Variants in INPP5D observed in about 807,000 individuals in gnomAD.
The protein encoded by INPP5D is inositol polyphosphate-5-phosphatase D.
In INPP5D, 33 loss-of-function variants were observed where a neutral mutation model predicts 122.9. The observed-to-expected ratio is 0.27, with a 90% CI of 0.20 to 0.36. The LOEUF (loss-of-function observed/expected upper bound fraction) is 0.36. INPP5D is among the 10% of genes least tolerant of loss of function. INPP5D has a pLI of 1.00. For missense variants in INPP5D, 1,053 were observed against 1,412.7 expected (o/e 0.75, Z 4.08); for synonymous variants, 584 against 576.2 (o/e 1.01, Z -0.19).
intron 1 of INPP5D, among the ~76,000 whole-genome samples, chr2:233,075,587 G>A (rs1273154688): frequency 6.6e-6 from 1 of 151,686 alleles, no homozygotes; most frequent in Non-Finnish European, 1.5e-5. Context: ...TATGTTGTGT[G>A]TGCACATGTA....
At position 233,182,474 on chromosome 2, in the gene INPP5D, C is replaced by A; in HGVS notation, c.2136C>A (p.Val712=). ...SPVFATFEAG[V]TSQFVSKNGP... is the part of the protein sequence containing the mutation. ...TCTTTGCCACATTTGAGGCAGGAGT[C>A]ACTTCCCAGTTTGTCTCCAAGAACG... The change falls in exon 19 of 27, where the codon GTC becomes GTA. Residue 712 remains valine, a synonymous_variant. Transcript: ENST00000445964. 1.2e-6 allele frequency: 2 copies of A among 1,613,594 alleles called. No homozygotes were observed. The highest frequency in any genetic ancestry group is 4.5e-5 in the East Asian group (2 of 44,870).
intron 6 of INPP5D, 167 bp from the exon 7 acceptor site, chr2:233,145,995 A>G (rs1431796951): frequency 1.4e-6 from 1 of 701,762 alleles, no homozygotes; most frequent in Non-Finnish European, 2.6e-6. Flanking sequence ...TTCTGAGAAG[A>G]TTGTAGAGAT....
At chr2:233,086,587 A>C (rs1691857256) in intron 2 of INPP5D, among the ~76,000 whole-genome samples, 1 of 152,256 alleles carries the variant, frequency 6.6e-6, no homozygotes, top group Admixed American at 6.5e-5. Flanking sequence ...AGGCCAACAC[A>C]CGGAAAGGAG....
intron 4 of INPP5D, among the ~76,000 whole-genome samples, chr2:233,127,077 C>A (rs994945097): frequency 2.6e-5 from 4 of 152,166 alleles, no homozygotes; most frequent in African/African-American, 9.7e-5. Context: ...GCTCGTACAC[C>A]TCCCGCCAAC....
intron 10 of INPP5D, among the ~76,000 whole-genome samples, chr2:233,159,301 G>C (rs1233673622): frequency 6.6e-6 from 1 of 152,148 alleles, no homozygotes; most frequent in Admixed American, 6.5e-5. Flanking sequence ...ACCTATCATC[G>C]TGAACCTCAT....
intron 1 of INPP5D, among the ~76,000 whole-genome samples, chr2:233,077,599 C>T (rs1290500719): frequency 3.0e-5 from 4 of 131,266 alleles, no homozygotes; most frequent in South Asian, 2.6e-4. Flanking sequence ...GCAGAGTTTG[C>T]GGTGAGCCAA....
chr2:233,079,632 A>C (rs1001316416), intron 2 of INPP5D, among the ~76,000 whole-genome samples: 2 of 152,152 alleles, frequency 1.3e-5, no homozygotes, highest in Non-Finnish European at 2.9e-5. Flanking sequence ...TTTGTGGTCC[A>C]TAGGTGTGAA....
chr2:233,156,557 A>G (rs1479434203), intron 9 of INPP5D, among the ~76,000 whole-genome samples: 1 of 152,060 alleles, frequency 6.6e-6, no homozygotes, highest in Non-Finnish European at 1.5e-5. Flanking sequence ...AGCCTCCCAA[A>G]GTGCTAGGAT....
At chr2:233,137,608 A>C (rs372504024) in intron 5 of INPP5D, among the ~76,000 whole-genome samples, 6 of 151,008 alleles carry the variant, frequency 4.0e-5, no homozygotes, top group Admixed American at 6.6e-5. Flanking sequence ...GGTGCCCACC[A>C]CTATGCCCGG....
At chr2:233,113,588 C>T (rs1208785522) in intron 2 of INPP5D, among the ~76,000 whole-genome samples, 15 of 152,122 alleles carry the variant, frequency 9.9e-5, no homozygotes. Context: ...CCAAATCTGT[C>T]CCCCAGCCCC....
chr2:233,061,322 C>A (rs2106373235), intron 1 of INPP5D, among the ~76,000 whole-genome samples: 1 of 150,930 alleles, frequency 6.6e-6, no homozygotes, highest in South Asian at 2.1e-4. Context: ...AATGGAGGAA[C>A]CAGCCACTTG....
At chr2:233,186,271 C>G (rs1043120636) in intron 21 of INPP5D, among the ~76,000 whole-genome samples, 1 of 152,148 alleles carries the variant, frequency 6.6e-6, no homozygotes, top group Admixed American at 6.5e-5. Flanking sequence ...GCTGCAGTAA[C>G]ACACCTAGGA....
At chr2:233,134,156 G>GA (rs1299089481) in intron 5 of INPP5D, 2 of 393,232 alleles carry the variant, frequency 5.1e-6, no homozygotes, top group East Asian at 7.5e-5. Context: ...AGTCAAGGAG[G>GA]AGGAGGAAGG....
intron 13 of INPP5D, among the ~76,000 whole-genome samples, chr2:233,165,263 G>T (rs141353433): frequency 6.6e-6 from 1 of 152,310 alleles, no homozygotes; most frequent in African/African-American, 2.4e-5. Flanking sequence ...GTCTATATGT[G>T]TGTGAATCTA....
chr2:233,099,459 C>T lies in INPP5D; in HGVS notation c.198+20061C>T, dbSNP rs1291142191. Among the ~76,000 whole-genome samples the T allele has an allele frequency of 5.3e-5, 8 of 152,228 alleles. 1 individual carries two copies. The East Asian group carries it at 1.5e-3, about 29-fold the overall frequency. On this transcript the variant is annotated intron_variant, in intron 2 of 26. Coordinates refer to ENST00000445964, the MANE Select transcript of INPP5D (RefSeq NM_001017915.3). ...TGAATGAAAGGAGGAACCAACAGCA[C>T]AGACGCCTATGTCTGGACTGACACT...
At chr2:233,132,885 ATT>A (rs35276718) in intron 5 of INPP5D, among the ~76,000 whole-genome samples, 312 of 117,958 alleles carry the variant, frequency 2.6e-3, no homozygotes, top group African/African-American at 6.3e-3. Context: ...ATGAACAAGA[ATT>A]TTTTTTTTTT....
intron 1 of INPP5D, among the ~76,000 whole-genome samples, chr2:233,077,142 A>G: frequency 6.6e-6 from 1 of 152,236 alleles, no homozygotes; most frequent in East Asian, 1.9e-4. Flanking sequence ...GGTGAAAAAA[A>G]CAAATTTCAG....
chr2:233,138,333 A>T (rs1020314875), intron 5 of INPP5D, among the ~76,000 whole-genome samples: 20 of 150,870 alleles, frequency 1.3e-4, no homozygotes, highest in Non-Finnish European at 2.2e-4. Context: ...AAGCAAAGCA[A>T]TATGTAAAGT....
chr2:233,151,114 G>T (rs1693912695), intron 9 of INPP5D, among the ~76,000 whole-genome samples: 1 of 152,130 alleles, frequency 6.6e-6, no homozygotes, highest in Non-Finnish European at 1.5e-5. Flanking sequence ...TGTGGAAACA[G>T]ATCAGGGATG....
Sources: allele counts gnomAD v4.1 joint callset (sites outside exome capture counted in the v4.1 genomes callset), GRCh38; gene constraint gnomAD v4.1.1; transcripts MANE v1.5; gene names NCBI Gene and HGNC (gene_info 2026-07-23, HGNC 2026-07-21).